PICALM: variants seen among roughly 807,000 people sequenced by gnomAD.
PICALM encodes the protein phosphatidylinositol binding clathrin assembly protein.
In PICALM, 40 loss-of-function variants were observed where a neutral mutation model predicts 80.5. The observed-to-expected ratio is 0.50, with a 90% CI of 0.39 to 0.65. PICALM has a LOEUF of 0.65. Ranked by LOEUF, PICALM falls within the 30% of genes least tolerant of loss-of-function variation. The probability of loss-of-function intolerance (pLI) is 0.00; values close to 1 mark genes in which losing one functional copy is unlikely to be tolerated. For synonymous variants in PICALM, 288 were observed against 260.3 expected (o/e 1.11, Z -1.02); for missense variants, 676 against 778.9 (o/e 0.87, Z 1.57).
At chr11:86,064,754 A>G (rs2096419183) in intron 1 of PICALM, among the ~76,000 whole-genome samples, 1 of 152,100 alleles carries the variant, frequency 6.6e-6, no homozygotes, top group African/African-American at 2.4e-5. Flanking sequence ...AAATAAGAAT[A>G]AAGAAAATTA....
chr11:86,046,759 A>C (rs971092006), intron 1 of PICALM, among the ~76,000 whole-genome samples: 1 of 152,138 alleles, frequency 6.6e-6, no homozygotes, highest in Non-Finnish European at 1.5e-5. Flanking sequence ...TGTCACCCAG[A>C]CTGGAGTAGC....
rs1592886003 is a variant in PICALM at position 86,011,208 on chromosome 11, GGTAATAGCTCCAA to G, written c.659-85_659-73del. 4.6e-6 allele frequency: 3 copies of G among 657,424 alleles called. No individual in the cohort carries two copies. The East Asian group carries it at 8.3e-5, about 18-fold the overall frequency. The allele number at this position is 657,424 out of a possible 1,614,324, so 40.7% of individuals were successfully genotyped here. On this transcript the variant is annotated intron_variant, in intron 6 of 19. Coordinates refer to ENST00000393346, the MANE Select transcript of PICALM (RefSeq NM_007166.4). The stretch of plus-strand genomic sequence containing the variant: ...CACCCAAAAAAGGAAAAAAAAAGTA[GGTAATAGCTCCAA>G]ATAGGTCTCTAAAGGAGCATACATA...
chr11:85,972,816 T>TA (rs925883823), intron 19 of PICALM, among the ~76,000 whole-genome samples: 11 of 151,698 alleles, frequency 7.3e-5, no homozygotes, highest in African/African-American at 2.7e-4. Flanking sequence ...AATAACAAAA[T>TA]AAAAAACAAA....
intron 14 of PICALM, 148 bp from the exon 15 acceptor site, chr11:85,982,151 A>C (rs2094457871): frequency 3.1e-6 from 2 of 654,482 alleles, no homozygotes; most frequent in Admixed American, 5.5e-5. Flanking sequence ...TAAATGGAAA[A>C]TGAAGAAAGT....
intron 1 of PICALM, among the ~76,000 whole-genome samples, chr11:86,038,868 T>C (rs1330635867): frequency 6.6e-6 from 1 of 151,680 alleles, no homozygotes; most frequent in East Asian, 1.9e-4. Context: ...CCCAGTACGT[T>C]GGGGGTCAAG....
chr11:86,031,260 TCCATTATTGATG>T (rs908328252), intron 2 of PICALM, among the ~76,000 whole-genome samples, 197 bp downstream of exon 2: 3 of 152,228 alleles, frequency 2.0e-5, no homozygotes, highest in African/African-American at 7.2e-5. Flanking sequence ...TGCTTCTTGA[TCCATTATTGATG>T]TCCTCTGTGC....
In PICALM at chr11:86,023,600, T is replaced by C. The variant is rs1439437701; in HGVS notation, c.350-1131A>G. The C allele has an allele frequency of 3.1e-6, 3 of 982,182 alleles. No homozygotes were observed. In the African/African-American group the frequency reaches 5.2e-5, roughly 17 times the overall value. 60.8% of individuals were successfully genotyped at this position (982,182 alleles called of 1,614,324 possible). On this transcript the variant is annotated intron_variant, in intron 3 of 19. Transcript: ENST00000393346. ...CCACTAGAATTGCTTAATTTCCATC[T>C]TAAGAAAATGATAAATCAGTCGCTA...
At chr11:86,033,905 A>G (rs2095800382) in intron 1 of PICALM, among the ~76,000 whole-genome samples, 1 of 152,216 alleles carries the variant, frequency 6.6e-6, no homozygotes, top group African/African-American at 2.4e-5. Flanking sequence ...TCAACATCTT[A>G]CAACTATCTG....
upstream of PICALM, chr11:86,069,230 G>T (rs1283554660): frequency 1.1e-5 from 2 of 181,882 alleles, no homozygotes; most frequent in Non-Finnish European, 2.4e-5. Flanking sequence ...AGAGCTGGGC[G>T]GCGCCCGCGC....
intron 3 of PICALM, chr11:86,023,284 AAACT>A (rs1431152727): frequency 4.8e-6 from 1 of 206,382 alleles, no homozygotes; most frequent in Non-Finnish European, 8.5e-6. Flanking sequence ...ACCAAAATGT[AAACT>A]AACTGGATTT....
chr11:86,049,155 C>T (rs959883795), intron 1 of PICALM, among the ~76,000 whole-genome samples: 7 of 151,836 alleles, frequency 4.6e-5, no homozygotes, highest in Admixed American at 1.3e-4. Flanking sequence ...TAGTCAGGCA[C>T]GGTGGGTGCA....
In PICALM at chr11:86,041,202, A is replaced by C. The variant is rs188405551; in HGVS notation, c.131-9591T>G. 1.3e-3 allele frequency among the ~76,000 whole-genome samples: 199 copies of C among 152,290 alleles called. 1 individual carries two copies. The highest frequency in any genetic ancestry group is 4.7e-3 in the African/African-American group (194 of 41,566). ...CCAGCACCTAGCAGGATACACCTTA[A>C]ATATTTATTAAATTAATACTAGTAA... On this transcript the variant is annotated intron_variant, in intron 1 of 19. Transcript: ENST00000393346.
chr11:86,020,431 A>G (rs913694051), intron 4 of PICALM, among the ~76,000 whole-genome samples: 1 of 147,714 alleles, frequency 6.8e-6, no homozygotes, highest in Non-Finnish European at 1.5e-5. Context: ...TGGGAAAAAA[A>G]AAAAAAAAAA....
chr11:86,065,230 G>A (rs1174060616), intron 1 of PICALM, among the ~76,000 whole-genome samples: 1 of 152,152 alleles, frequency 6.6e-6, no homozygotes, highest in Non-Finnish European at 1.5e-5. Flanking sequence ...GGCGAATCAT[G>A]TGGTCAAGAG....
At position 85,957,218 on chromosome 11, in the gene PICALM, T is replaced by G. The variant is rs150426704; in HGVS notation, c.*1828A>C. Reference sequence around the variant, plus strand: ...AATAATACTGAAACTTAAAAGCTGATAAAATTTATTGGCTACGACTACATT... The same window carrying G: ...AATAATACTGAAACTTAAAAGCTGAGAAAATTTATTGGCTACGACTACATT... On this transcript the variant is annotated 3_prime_UTR_variant, in exon 20 of 20. Transcript: ENST00000393346. 4.3e-4 allele frequency among the ~76,000 whole-genome samples: 65 copies of G among 152,310 alleles called. No individual in the cohort carries two copies. In the East Asian group the frequency reaches 0.013, roughly 29 times the overall value.
intron 12 of PICALM, among the ~76,000 whole-genome samples, chr11:85,991,470 T>C (rs571076176): frequency 2.0e-5 from 3 of 152,120 alleles, no homozygotes; most frequent in South Asian, 2.1e-4. Context: ...TACTATGATA[T>C]AGGCACACTT....
chr11:85,992,163 A>T (rs1468375131), intron 12 of PICALM, among the ~76,000 whole-genome samples: 3 of 151,950 alleles, frequency 2.0e-5, no homozygotes, highest in Non-Finnish European at 4.4e-5. Context: ...TAGTACTAAA[A>T]ATATATATAT....
At position 86,057,919 on chromosome 11, in the gene PICALM, T is replaced by G. The variant is rs183963018; in HGVS notation, c.130+10732A>C. The stretch of plus-strand genomic sequence containing the variant: ...GGGAGGTCCTGGAACCAATCCCCTA[T>G]AGATACTGAAGGACAACCGCATATA... On this transcript the variant is annotated intron_variant, in intron 1 of 19. Transcript: ENST00000393346. Among the ~76,000 whole-genome samples, 953 of 152,336 alleles carry G rather than the reference T, an allele frequency of 6.3e-3. 10 individuals are homozygous for G. Among genetic ancestry groups the G allele is most frequent in the African/African-American group, 0.022 (920 of 41,588 alleles).
At chr11:85,991,452 A>T (rs752798286) in intron 12 of PICALM, among the ~76,000 whole-genome samples, 2 of 152,180 alleles carry the variant, frequency 1.3e-5, no homozygotes, top group African/African-American at 2.4e-5. Flanking sequence ...CCTAAGGACC[A>T]GCTCATTTAC....
Sources: gnomAD v4.1 joint callset for allele counts (sites outside exome capture counted in the v4.1 genomes callset) on GRCh38, gnomAD v4.1.1 for gene constraint, MANE v1.5 for transcripts, NCBI Gene and HGNC (gene_info 2026-07-23, HGNC 2026-07-21) for gene names.